Variants in LRP1B observed in about 807,000 individuals in gnomAD.
LRP1B encodes low-density lipoprotein receptor-related protein 1B.
LRP1B carries 217 observed loss-of-function variants against 556.6 expected under a neutral mutation model. That is an observed-to-expected ratio of 0.39 (90% CI 0.35 to 0.44). LRP1B has a LOEUF of 0.44. LRP1B is among the 20% of genes least tolerant of loss of function. LRP1B has a pLI of 1.00. For synonymous variants in LRP1B, 2,047 were observed against 1,865.8 expected, an observed-to-expected ratio of 1.10 and a Z score of -2.50; for missense variants, 5,053 against 5,620.8, an observed-to-expected ratio of 0.90 and a Z score of 3.23.
chr2:141,778,032 A>AT (rs1299917843), intron 2 of LRP1B, among the ~76,000 whole-genome samples: 1 of 152,224 alleles, frequency 6.6e-6, no homozygotes, highest in African/African-American at 2.4e-5. Context: ...AGTAAGCTGA[A>AT]TACAAATCAG....
At chr2:140,638,418 G>C (rs971838541) in intron 41 of LRP1B, among the ~76,000 whole-genome samples, 9 of 152,250 alleles carry the variant, frequency 5.9e-5, no homozygotes, top group African/African-American at 2.2e-4. Flanking sequence ...GCGAGGCTGG[G>C]ATTTAACCCC....
chr2:140,437,716 G>T (rs534918018), intron 66 of LRP1B, among the ~76,000 whole-genome samples: 1 of 152,262 alleles, frequency 6.6e-6, no homozygotes, highest in African/African-American at 2.4e-5. Flanking sequence ...AGAATAGATA[G>T]ATTTGCATAT....
intron 2 of LRP1B, among the ~76,000 whole-genome samples, chr2:141,571,949 G>T (rs574739270): frequency 1.3e-5 from 2 of 152,214 alleles, no homozygotes; most frequent in South Asian, 4.1e-4. Context: ...CTGAACCGAC[G>T]ATTGATTTGA....
intron 21 of LRP1B, among the ~76,000 whole-genome samples, chr2:140,910,837 T>C (rs185637697): frequency 5.3e-5 from 8 of 151,944 alleles, no homozygotes; most frequent in African/African-American, 1.7e-4. Flanking sequence ...ATGTTGAAAA[T>C]TGTGATAACC....
chr2:141,617,032 CA>C (rs1559179837), intron 2 of LRP1B, among the ~76,000 whole-genome samples: 1 of 152,192 alleles, frequency 6.6e-6, no homozygotes, highest in East Asian at 1.9e-4. Context: ...GCCATGCCTT[CA>C]CCAACTCCTG....
At chr2:140,237,558 T>A (rs1680763025) in intron 89 of LRP1B, among the ~76,000 whole-genome samples, 1 of 150,828 alleles carries the variant, frequency 6.6e-6, no homozygotes, top group South Asian at 2.1e-4. Flanking sequence ...CAAAACTATC[T>A]TGTAAGTATC....
At chr2:140,340,994 T>TAACA (rs1228314337) in intron 77 of LRP1B, among the ~76,000 whole-genome samples, 5 of 151,584 alleles carry the variant, frequency 3.3e-5, no homozygotes, top group African/African-American at 1.2e-4. Context: ...ATGAAGACAG[T>TAACA]AACAAACACA....
At chr2:140,658,271 A>G (rs2105334530) in intron 41 of LRP1B, among the ~76,000 whole-genome samples, 1 of 152,166 alleles carries the variant, frequency 6.6e-6, no homozygotes, top group East Asian at 1.9e-4. Context: ...TAATATAAAA[A>G]CAAATTAATG....
chr2:140,914,931 A>G (rs993233577), intron 21 of LRP1B, among the ~76,000 whole-genome samples: 1 of 152,198 alleles, frequency 6.6e-6, no homozygotes, highest in African/African-American at 2.4e-5. Context: ...TCTACCAGTT[A>G]TTACTATCAT....
intron 47 of LRP1B, among the ~76,000 whole-genome samples, chr2:140,529,442 G>GA (rs112556788): frequency 0.46 from 68,556 of 149,682 alleles, 16,276 homozygotes; most frequent in East Asian, 0.74. Context: ...AGGGGGGGGG[G>GA]AAGCATTAAG....
intron 32 of LRP1B, among the ~76,000 whole-genome samples, chr2:140,785,456 G>A (rs891816465): frequency 2.0e-5 from 3 of 152,162 alleles, no homozygotes; most frequent in Admixed American, 2.0e-4. Context: ...AGAACTTCAA[G>A]AAAAATACAA....
At chr2:140,828,104 C>CA (rs890944892) in intron 31 of LRP1B, among the ~76,000 whole-genome samples, 7 of 149,726 alleles carry the variant, frequency 4.7e-5, no homozygotes, top group Non-Finnish European at 8.9e-5. Flanking sequence ...ATCCATCCTA[C>CA]AAAAAAAAAC....
Position 140,304,564 on chromosome 2 carries a change from C to T in LRP1B, c.12806-6595G>A, listed in dbSNP as rs115256730. Among the ~76,000 whole-genome samples the T allele has an allele frequency of 2.5e-3, 386 of 152,150 alleles. 2 individuals carry two copies. Among genetic ancestry groups the T allele is most frequent in the African/African-American group, 8.6e-3 (355 of 41,492 alleles). ...TAGATTGTGGATTGTAGCACTTTGT[C>T]GGATGAGTAGATTGCAAAAATGTTC... On this transcript the variant is annotated intron_variant, in intron 83 of 90. Coordinates refer to ENST00000389484, the MANE Select transcript of LRP1B (RefSeq NM_018557.3).
At chr2:140,252,507 AAT>A (rs1681484385) in intron 86 of LRP1B, among the ~76,000 whole-genome samples, 2 of 152,216 alleles carry the variant, frequency 1.3e-5, no homozygotes, top group Middle Eastern at 3.4e-3. Context: ...AAGTGGTAGA[AAT>A]AAAATATGGC....
At chr2:141,242,547 G>GT (rs938891379) in intron 5 of LRP1B, among the ~76,000 whole-genome samples, 22 of 151,808 alleles carry the variant, frequency 1.4e-4, no homozygotes, top group Admixed American at 3.3e-4. Context: ...TCTTCTGTTT[G>GT]TTTTTTTCTC....
intron 43 of LRP1B, among the ~76,000 whole-genome samples, chr2:140,594,154 G>A (rs1682340566): frequency 2.0e-5 from 3 of 152,156 alleles, no homozygotes; most frequent in African/African-American, 7.2e-5. Flanking sequence ...ATTTTTAGTA[G>A]AAATGGGGTT....
chr2:140,483,750 C>T (rs1688352171), intron 59 of LRP1B, among the ~76,000 whole-genome samples: 1 of 149,780 alleles, frequency 6.7e-6, no homozygotes, highest in East Asian at 2.0e-4. Flanking sequence ...AAGCAATTCT[C>T]ATGCCTCAGT....
intron 2 of LRP1B, among the ~76,000 whole-genome samples, chr2:141,665,016 C>G (rs1339664532): frequency 2.0e-5 from 3 of 152,056 alleles, no homozygotes; most frequent in Admixed American, 2.0e-4. Context: ...ACATATAAGC[C>G]AATGGAACAG....
chr2:141,023,669 AAAAG>A (rs1698133441), intron 11 of LRP1B, among the ~76,000 whole-genome samples: 1 of 152,016 alleles, frequency 6.6e-6, no homozygotes, highest in Non-Finnish European at 1.5e-5. Flanking sequence ...CATGATTTTT[AAAAG>A]AAAGGATGTG....
Sources: gnomAD v4.1 joint callset for allele counts (sites outside exome capture counted in the v4.1 genomes callset) on GRCh38, gnomAD v4.1.1 for gene constraint, MANE v1.5 for transcripts, NCBI Gene and HGNC (gene_info 2026-07-23, HGNC 2026-07-21) for gene names.